Variants in EBPL observed in about 807,000 individuals in gnomAD.
EBPL encodes EBP like.
In EBPL, 20 loss-of-function variants were observed where a neutral mutation model predicts 19.0. That is an observed-to-expected ratio of 1.05 (90% confidence interval 0.74 to 1.53). EBPL has a LOEUF of 1.53. Among genes scored for constraint, EBPL ranks in the 40% most tolerant of loss-of-function variants. The pLI, the probability that EBPL is intolerant of heterozygous loss-of-function variation, is 0.00. For missense variants in EBPL, 219 were observed against 261.1 expected, an observed-to-expected ratio of 0.84 and a Z score of 1.11; for synonymous variants, 107 against 117.0, an observed-to-expected ratio of 0.91 and a Z score of 0.55.
At chr13:49,684,320 T>C (rs977154111) in intron 1 of EBPL, among the ~76,000 whole-genome samples, 1 of 152,192 alleles carries the variant, frequency 6.6e-6, no homozygotes, top group Non-Finnish European at 1.5e-5. Flanking sequence ...CTGATAACCA[T>C]ACAAATATAG....
intron 1 of EBPL, among the ~76,000 whole-genome samples, chr13:49,683,519 ACT>A (rs1476079166): frequency 1.3e-5 from 2 of 150,004 alleles, no homozygotes; most frequent in African/African-American, 4.9e-5. Flanking sequence ...AGAGAGCGAG[ACT>A]CTGTCTCAAA....
At chr13:49,665,212 G>A (rs185733189) in intron 2 of EBPL, among the ~76,000 whole-genome samples, 1 of 150,662 alleles carries the variant, frequency 6.6e-6, no homozygotes, top group Non-Finnish European at 1.5e-5. Flanking sequence ...CCAGGTTCAA[G>A]TGATTCTCCA....
chr13:49,677,734 C>T (rs1386785834), intron 1 of EBPL, among the ~76,000 whole-genome samples: 1 of 152,180 alleles, frequency 6.6e-6, no homozygotes, highest in Non-Finnish European at 1.5e-5. Context: ...CAGTGAAACT[C>T]CTTCTCTACT....
At chr13:49,662,043 G>A (rs1188339960) in intron 3 of EBPL, 6 of 956,140 alleles carry the variant, frequency 6.3e-6, no homozygotes, top group Non-Finnish European at 8.1e-6. Flanking sequence ...ACCTAGGCTG[G>A]AGTGCAGTGG....
intron 2 of EBPL, chr13:49,668,503 G>A (rs999746659): frequency 7.0e-6 from 2 of 285,474 alleles, no homozygotes; most frequent in Admixed American, 9.9e-5. Flanking sequence ...GAACCTGGGA[G>A]GCGGAGCTTG....
At chr13:49,673,285 T>C (rs901515964) in intron 1 of EBPL, among the ~76,000 whole-genome samples, 11 of 152,298 alleles carry the variant, frequency 7.2e-5, no homozygotes, top group East Asian at 1.9e-4. Flanking sequence ...AATTCCACAG[T>C]TGGGTATTTC....
At chr13:49,670,202 C>A in intron 1 of EBPL, among the ~76,000 whole-genome samples, 1 of 152,152 alleles carries the variant, frequency 6.6e-6, no homozygotes, top group South Asian at 2.1e-4. Context: ...TAAGTCTTTG[C>A]GGAGAACCCC....
intron 1 of EBPL, among the ~76,000 whole-genome samples, chr13:49,686,992 T>C (rs1323497710): frequency 2.0e-5 from 3 of 152,128 alleles, no homozygotes; most frequent in East Asian, 1.9e-4. Flanking sequence ...TTCACTATGT[T>C]AGCAAGGCCT....
In EBPL at chr13:49,686,575, C is replaced by T. The variant is rs1362508819; in HGVS notation, c.171+4679G>A. On this transcript the variant is annotated intron_variant, in intron 1 of 3. Coordinates refer to ENST00000242827, the MANE Select transcript of EBPL (RefSeq NM_032565.5). ...CCAGGACCCCAGCACTCTCCTGGTT[C>T]GTGGTCTTTCCCACTCTCTCCTAGG... 1.4e-5 allele frequency: 18 copies of T among 1,289,598 alleles called. 1 individual carries two copies. The highest frequency in any genetic ancestry group is 3.0e-5 in the African/African-American group (2 of 65,814). The allele number at this position is 1,289,598 out of a possible 1,614,324, so 79.9% of individuals were successfully genotyped here. A position where few individuals can be genotyped will look rare whatever the true frequency, so the allele number is the denominator to read the frequency against.
intron 1 of EBPL, among the ~76,000 whole-genome samples, chr13:49,673,880 T>C (rs1953845325): frequency 6.6e-6 from 1 of 151,956 alleles, no homozygotes; most frequent in Non-Finnish European, 1.5e-5. Flanking sequence ...GGGATCCTTG[T>C]TAGTGCTGGA....
intron 2 of EBPL, among the ~76,000 whole-genome samples, chr13:49,665,091 CAA>C (rs1965206617): frequency 6.8e-6 from 1 of 146,538 alleles, no homozygotes; most frequent in African/African-American, 2.5e-5. Context: ...TCTTTAGGAA[CAA>C]AAAGAGATAT....
At chr13:49,685,830 G>A (rs147487296) in intron 1 of EBPL, among the ~76,000 whole-genome samples, 12 of 151,562 alleles carry the variant, frequency 7.9e-5, no homozygotes, top group South Asian at 2.1e-4. Context: ...CCAAGATCAC[G>A]CTACTGCACT....
chr13:49,687,533 T>C (rs1954011641), intron 1 of EBPL, among the ~76,000 whole-genome samples: 1 of 148,854 alleles, frequency 6.7e-6, no homozygotes, highest in African/African-American at 2.5e-5. Context: ...AATGAGCCTT[T>C]CCAGAGTAGT....
intron 1 of EBPL, among the ~76,000 whole-genome samples, chr13:49,688,582 G>A (rs917651104): frequency 6.6e-6 from 1 of 152,042 alleles, no homozygotes; most frequent in Non-Finnish European, 1.5e-5. Flanking sequence ...AGCCGGGCGT[G>A]GTGGCGGGTG....
At chr13:49,680,336 C>T (rs141322567) in intron 1 of EBPL, among the ~76,000 whole-genome samples, 15 of 152,262 alleles carry the variant, frequency 9.9e-5, no homozygotes, top group Non-Finnish European at 8.8e-5. Flanking sequence ...AGTACATAAA[C>T]GTAAAGTGAC....
intron 2 of EBPL, among the ~76,000 whole-genome samples, 180 bp from the exon 3 acceptor site, chr13:49,663,375 G>A (rs924295980): frequency 1.3e-5 from 2 of 152,166 alleles, no homozygotes; most frequent in Non-Finnish European, 2.9e-5. Flanking sequence ...TTTACCACCT[G>A]ACACAAGCAC....
chr13:49,670,264 A>G (rs777092624), intron 1 of EBPL, among the ~76,000 whole-genome samples: 1 of 152,200 alleles, frequency 6.6e-6, no homozygotes, highest in Non-Finnish European at 1.5e-5. Flanking sequence ...TTAAAGAGAA[A>G]GGCAATCAAG....
chr13:49,675,901 C>T (rs1391708427), intron 1 of EBPL, among the ~76,000 whole-genome samples: 3 of 149,910 alleles, frequency 2.0e-5, no homozygotes, highest in Non-Finnish European at 4.4e-5. Context: ...TAATAGTACT[C>T]ATCCTAACGG....
intron 2 of EBPL, 152 bp from the exon 3 acceptor site, chr13:49,663,347 C>T: frequency 2.0e-6 from 2 of 981,302 alleles, no homozygotes; most frequent in East Asian, 2.5e-5. Flanking sequence ...GCAGGAGAAG[C>T]CCTGGGACCA....
Sources: allele counts gnomAD v4.1 joint callset (sites outside exome capture counted in the v4.1 genomes callset), GRCh38; gene constraint gnomAD v4.1.1; transcripts MANE v1.5; gene names NCBI Gene and HGNC (gene_info 2026-07-23, HGNC 2026-07-21).